The following CDH23 variants were observed in gnomAD, a reference collection of about 807,000 sequenced individuals.
CDH23 encodes the protein cadherin-23.
Under a neutral mutation model 317.1 loss-of-function variants are expected in CDH23, and 189 were observed. The observed-to-expected ratio is 0.60, with a 90% CI of 0.53 to 0.67. The LOEUF (loss-of-function observed/expected upper bound fraction) is 0.67. Among genes scored for constraint, CDH23 ranks in the 30% least tolerant of loss-of-function variants. The pLI, the probability that CDH23 is intolerant of heterozygous loss-of-function variation, is 0.00. For synonymous variants in CDH23, 1,839 were observed against 1,876.8 expected, an observed-to-expected ratio of 0.98 and a Z score of 0.52; for missense variants, 4,401 against 4,592.4, an observed-to-expected ratio of 0.96 and a Z score of 1.20.
In CDH23 at chr10:71,432,679, C is replaced by T. The variant is rs67081277; in HGVS notation, c.-5-7148C>T. 4.3e-3 allele frequency among the ~76,000 whole-genome samples: 649 copies of T among 152,122 alleles called. 5 individuals are homozygous for T. Among genetic ancestry groups the T allele is most frequent in the African/African-American group, 0.014 (592 of 41,528 alleles). ...GCCTGGGTTTTAGCCCATTCTGCTGCTCGTGGCTGCCTGCAGGCAGAGCAT... is the reference window on the plus strand; with the variant it reads ...GCCTGGGTTTTAGCCCATTCTGCTGTTCGTGGCTGCCTGCAGGCAGAGCAT... On this transcript the variant is annotated intron_variant, in intron 1 of 69. Coordinates refer to ENST00000224721, the MANE Select transcript of CDH23 (RefSeq NM_022124.6).
At chr10:71,774,909 C>T (rs1840782457) in intron 38 of CDH23, among the ~76,000 whole-genome samples, 1 of 152,170 alleles carries the variant, frequency 6.6e-6, no homozygotes, top group Non-Finnish European at 1.5e-5. Flanking sequence ...AAGTCACGGG[C>T]TCTCTGGAGG....
At chr10:71,656,704 T>C (rs1335318285) in intron 14 of CDH23, among the ~76,000 whole-genome samples, 7 of 152,132 alleles carry the variant, frequency 4.6e-5, no homozygotes, top group Non-Finnish European at 1.0e-4. Flanking sequence ...GGAAGCCAGC[T>C]GGGATCCAGG....
At chr10:71,740,200 A>G (rs1839695902) in intron 36 of CDH23, among the ~76,000 whole-genome samples, 1 of 152,238 alleles carries the variant, frequency 6.6e-6, no homozygotes. Flanking sequence ...TGCAGGCTTG[A>G]GGAGCCACGA....
At chr10:71,747,793 T>C (rs1446545343) in intron 38 of CDH23, 1 of 152,268 alleles carries the variant, frequency 6.6e-6, no homozygotes, top group Non-Finnish European at 1.5e-5. Flanking sequence ...AAGGCAGACA[T>C]GGCTATCTAT....
chr10:71,637,735 C>T (rs1050881558), intron 11 of CDH23, among the ~76,000 whole-genome samples: 1 of 152,116 alleles, frequency 6.6e-6, no homozygotes, highest in Non-Finnish European at 1.5e-5. Flanking sequence ...AGATTCCCAG[C>T]CCCGATCCAG....
intron 6 of CDH23, among the ~76,000 whole-genome samples, chr10:71,553,036 A>G (rs1312008065): frequency 6.6e-6 from 1 of 152,136 alleles, no homozygotes; most frequent in Non-Finnish European, 1.5e-5. Context: ...GGGCTAGGGC[A>G]GTGCTTCCCC....
rs775021846 is a variant in CDH23 at position 71,645,852 on chromosome 10, G to T, written c.1162G>T (p.Val388Leu). ...ENLGLNSMFEVYLVGNNSHHF... is the reference protein window; with the variant it reads ...ENLGLNSMFELYLVGNNSHHF... ...CCAGGGCCTGAACAGCATGTTTGAG[G>T]TGTACTTGGTGGGGAACAACTCCCA... The change falls in exon 13 of 70, where the codon GTG becomes TTG. Residue 388 changes from valine (V) to leucine (L), a missense_variant. By Grantham distance (32) the Val-to-Leu change is conservative (BLOSUM62 1). This residue lies in a region of CDH23 where 3,068 missense variants were observed against 3,203.3 expected (regional missense o/e 0.96). Coordinates refer to ENST00000224721, the MANE Select transcript of CDH23 (RefSeq NM_022124.6). 6.2e-7 allele frequency: 1 copy of T among 1,612,110 alleles called. No individual in the cohort carries two copies. Among genetic ancestry groups the T allele is most frequent in the South Asian group, 1.1e-5 (1 of 90,972 alleles).
intron 6 of CDH23, among the ~76,000 whole-genome samples, chr10:71,561,429 C>T (rs1456416564): frequency 1.3e-5 from 2 of 152,120 alleles, no homozygotes; most frequent in African/African-American, 4.8e-5. Context: ...TTCCAGTGAG[C>T]AACCTAGCCA....
chr10:71,565,004 A>G (rs1314919613), intron 6 of CDH23, among the ~76,000 whole-genome samples: 1 of 152,256 alleles, frequency 6.6e-6, no homozygotes, highest in Admixed American at 6.5e-5. Context: ...GTACAAAAGC[A>G]GACTTTCACA....
intron 3 of CDH23, among the ~76,000 whole-genome samples, chr10:71,466,514 G>A (rs1186509194): frequency 6.6e-6 from 1 of 152,188 alleles, no homozygotes. Flanking sequence ...CCCTGCTGAT[G>A]TGTGAGTGAA....
Position 71,811,974 on chromosome 10 carries a change from C to T in CDH23, c.9339C>T (p.Asp3113=), listed in dbSNP as rs201812147. 59 of 1,613,064 alleles carry T rather than the reference C, an allele frequency of 3.7e-5. 1 individual carries two copies. Among genetic ancestry groups the T allele is most frequent in the Non-Finnish European group, 5.0e-5 (59 of 1,179,614 alleles). The change falls in exon 66 of 70, where the codon GAC becomes GAT. Residue 3113 remains aspartate (D), a synonymous_variant. Coordinates refer to ENST00000224721, the MANE Select transcript of CDH23 (RefSeq NM_022124.6). ...CTGCAGGGAATCGTGGCTTCATCGA[C>T]ATCATGGACATGCCTAACACCAACA... The part of the protein sequence containing the change: ...AGSAGNRGFI[D]IMDMPNTNKY...
chr10:71,622,041 A>C (rs866225144), intron 11 of CDH23, among the ~76,000 whole-genome samples: 1 of 152,010 alleles, frequency 6.6e-6, no homozygotes, highest in South Asian at 2.1e-4. Flanking sequence ...AAAAGGCAGA[A>C]GCCCCAGAAG....
intron 38 of CDH23, chr10:71,773,227 C>T (rs974891975): frequency 2.8e-6 from 3 of 1,065,164 alleles, no homozygotes; most frequent in African/African-American, 1.7e-5. Flanking sequence ...AGCCTCTGGG[C>T]GGTGGGTGGA....
intron 1 of CDH23, among the ~76,000 whole-genome samples, chr10:71,428,690 G>A (rs1781087046): frequency 6.6e-6 from 1 of 152,068 alleles, no homozygotes; most frequent in South Asian, 2.1e-4. Flanking sequence ...CCTGGTTCAA[G>A]CAATTCCCCT....
At chr10:71,760,596 G>A (rs905421855) in intron 38 of CDH23, 43 of 413,286 alleles carry the variant, frequency 1.0e-4, no homozygotes, top group Non-Finnish European at 1.7e-4. Flanking sequence ...CCTGTCATGA[G>A]GCACTTGCCC....
chr10:71,782,453 C>G (rs9415048), intron 41 of CDH23, among the ~76,000 whole-genome samples: 78,402 of 152,228 alleles, frequency 0.52, 20,616 homozygotes, highest in Middle Eastern at 0.7. Context: ...TTAACATGCC[C>G]AAGGGCACAC....
chr10:71,599,049 C>G (rs1860045308), intron 9 of CDH23, among the ~76,000 whole-genome samples: 1 of 152,126 alleles, frequency 6.6e-6, no homozygotes, highest in South Asian at 2.1e-4. Context: ...GCCCGGGACC[C>G]CTGGCCTTTG....
intron 14 of CDH23, among the ~76,000 whole-genome samples, chr10:71,673,465 T>TTCCTCCTGCTCCCCTTCTCC (rs1181561657): frequency 1.3e-5 from 2 of 152,224 alleles, no homozygotes; most frequent in Non-Finnish European, 2.9e-5. Context: ...GACTCTGGGA[T>TTCCTCCTGCTCCCCTTCTCC]TCCTCCTGCT....
At position 71,810,537 on chromosome 10, in the gene CDH23, C is replaced by A; in HGVS notation, c.9045C>A (p.Asn3015Lys). ...CAGAACTGCTTATCCACGTGGTGAA[C>A]CGCGATACCAACCGCATCCTGGACG... ...AQTELLIHVV[N>K]RDTNRILDVD... The change falls in exon 62 of 70, where the codon AAC becomes AAA. Residue 3015 changes from asparagine to lysine, a missense_variant. Coordinates refer to ENST00000224721, the MANE Select transcript of CDH23 (RefSeq NM_022124.6). 2 of 1,613,964 alleles carry A rather than the reference C, an allele frequency of 1.2e-6. No individual in the cohort carries two copies. Among genetic ancestry groups the A allele is most frequent in the Non-Finnish European group, 1.7e-6 (2 of 1,179,864 alleles).
Sources: gnomAD v4.1 joint callset for allele counts (sites outside exome capture counted in the v4.1 genomes callset) on GRCh38, gnomAD v4.1.1 for gene constraint, gnomAD v4.1.1 regional missense constraint, MANE v1.5 for transcripts, NCBI Gene and HGNC (gene_info 2026-07-23, HGNC 2026-07-21) for gene names.